The following SLC23A2 variants were observed in gnomAD, a reference collection of about 807,000 sequenced individuals.
SLC23A2 encodes the protein solute carrier family 23 member 2, also known as Na(+)/L-ascorbic acid transporter 2.
A neutral mutation model predicts 73.3 loss-of-function variants in SLC23A2; 36 were observed. The ratio of observed to expected loss-of-function variants is 0.49; its 90% CI spans 0.38 to 0.65. The LOEUF (loss-of-function observed/expected upper bound fraction) is 0.65. Among genes scored for constraint, SLC23A2 ranks in the 30% least tolerant of loss-of-function variants. The probability of loss-of-function intolerance (pLI) is 0.00; values close to 1 mark genes in which losing one functional copy is unlikely to be tolerated. For missense variants in SLC23A2, 507 were observed against 841.6 expected (o/e 0.60, Z 4.92); for synonymous variants, 343 against 327.3 (o/e 1.05, Z -0.52).
intron 2 of SLC23A2, among the ~76,000 whole-genome samples, chr20:4,945,412 A>T (rs1239862234): frequency 6.6e-6 from 1 of 152,132 alleles, no homozygotes; most frequent in Non-Finnish European, 1.5e-5. Context: ...CAGCCTCCTG[A>T]GTAGCTGTGA....
intron 2 of SLC23A2, among the ~76,000 whole-genome samples, chr20:4,968,740 A>T (rs1475041076): frequency 1.3e-5 from 2 of 149,370 alleles, no homozygotes; most frequent in African/African-American, 4.9e-5. Context: ...TTTTTTTGAG[A>T]CGACGTCTGT....
intron 4 of SLC23A2, among the ~76,000 whole-genome samples, chr20:4,906,673 C>T (rs1341925724): frequency 6.6e-6 from 1 of 152,066 alleles, no homozygotes; most frequent in African/African-American, 2.4e-5. Context: ...CCAAAAAGAT[C>T]AATTTCATTA....
chr20:4,970,569 A>C (rs13037458), intron 2 of SLC23A2, among the ~76,000 whole-genome samples: 66,993 of 151,674 alleles, frequency 0.44, 14,878 homozygotes, highest in South Asian at 0.53. Context: ...CCCATCTCTA[A>C]GAAAAAAAAA....
chr20:4,959,674 T>C (rs1256096432), intron 2 of SLC23A2, among the ~76,000 whole-genome samples: 1 of 151,838 alleles, frequency 6.6e-6, no homozygotes, highest in Non-Finnish European at 1.5e-5. Flanking sequence ...ATTTTTCTAA[T>C]TTTTGTAGAG....
At chr20:4,859,104 A>G (rs1343071069) in intron 16 of SLC23A2, among the ~76,000 whole-genome samples, 185 bp downstream of exon 16, 1 of 152,248 alleles carries the variant, frequency 6.6e-6, no homozygotes, top group East Asian at 1.9e-4. Context: ...CAGTTTATGT[A>G]GCAAAAAACT....
rs558093926 is a variant in SLC23A2, at chr20:4,995,462, A to G, written c.-282+5944T>C. On this transcript the variant is annotated intron_variant, in intron 1 of 16. Transcript: ENST00000338244. ...GACAAAGATTCAAGCCCCATAATAC[A>G]GTATCAAAGGACCTCTCCACCTGAC... 5.9e-5 allele frequency among the ~76,000 whole-genome samples: 9 copies of G among 152,204 alleles called. No homozygotes were observed. The South Asian group carries it at 1.9e-3, about 32-fold the overall frequency.
intron 16 of SLC23A2, among the ~76,000 whole-genome samples, chr20:4,859,008 G>A (rs1349629526): frequency 6.6e-6 from 1 of 152,182 alleles, no homozygotes; most frequent in African/African-American, 2.4e-5. Context: ...AGCCTGGCCT[G>A]TGCCCATCCC....
In SLC23A2 at chr20:4,882,099, G is replaced by A. The variant is rs577607663; in HGVS notation, c.824+1543C>T. Among the ~76,000 whole-genome samples, 16 of 152,236 alleles carry A rather than the reference G, an allele frequency of 1.1e-4. No homozygotes were observed. The South Asian group carries it at 3.3e-3, about 32-fold the overall frequency. On this transcript the variant is annotated intron_variant, in intron 9 of 16. Transcript: ENST00000338244. ...AGAATAGTAAGAACAATTTTGGGCT[G>A]GGCACGGTGGCTCATGCCTGTAATC...
At chr20:4,931,501 A>G (rs907591199) in intron 3 of SLC23A2, among the ~76,000 whole-genome samples, 3 of 152,184 alleles carry the variant, frequency 2.0e-5, no homozygotes, top group Admixed American at 6.5e-5. Flanking sequence ...TCATGCTTAT[A>G]ATCCCAGTGC....
chr20:4,867,420 A>G (rs1347960980), intron 13 of SLC23A2, among the ~76,000 whole-genome samples: 1 of 152,196 alleles, frequency 6.6e-6, no homozygotes, highest in Non-Finnish European at 1.5e-5. Flanking sequence ...TGCATCATTT[A>G]TGGACTTAGT....
chr20:5,003,529 T>A (rs1369434600), upstream of SLC23A2, among the ~76,000 whole-genome samples: 1 of 151,720 alleles, frequency 6.6e-6, no homozygotes, highest in Non-Finnish European at 1.5e-5. Flanking sequence ...TTTTTTTTTT[T>A]AATACGATGT....
At chr20:4,894,538 T>C (rs938607136) in intron 6 of SLC23A2, among the ~76,000 whole-genome samples, 2 of 152,190 alleles carry the variant, frequency 1.3e-5, no homozygotes, top group South Asian at 4.1e-4. Context: ...TGCTGTGGCA[T>C]CTACAATCGG....
At chr20:4,949,304 A>G (rs1386406086) in intron 2 of SLC23A2, among the ~76,000 whole-genome samples, 1 of 151,602 alleles carries the variant, frequency 6.6e-6, no homozygotes, top group African/African-American at 2.4e-5. Context: ...AAAAAAAAAA[A>G]AGGAAAACAT....
Position 4,902,647 on chromosome 20 carries a change from C to A in SLC23A2, c.208-89G>T. ...TGTACAGGCCACTATTACAGAAAAA[C>A]AACTTTATCAAGTGGTTGCCATCTT... On this transcript the variant is annotated intron_variant, in intron 4 of 16. Coordinates refer to ENST00000338244, the MANE Select transcript of SLC23A2 (RefSeq NM_005116.6). This position sits in a 1 kb window ranked among gnomAD's most constrained non-coding sequence, Gnocchi z 4.0. The A allele has an allele frequency of 1.6e-6, 1 of 618,492 alleles. No homozygotes were observed. Among genetic ancestry groups the A allele is most frequent in the Non-Finnish European group, 2.8e-6 (1 of 357,720 alleles). 38.3% of individuals were successfully genotyped at this position (618,492 alleles called of 1,614,324 possible).
intron 9 of SLC23A2, among the ~76,000 whole-genome samples, chr20:4,880,517 G>GA (rs556134627): frequency 4.5e-4 from 69 of 151,876 alleles, no homozygotes; most frequent in Non-Finnish European, 8.8e-4. Context: ...CTTGGAAACT[G>GA]AAAAAACACC....
At chr20:4,884,483 T>C (rs1241107355) in intron 8 of SLC23A2, among the ~76,000 whole-genome samples, 3 of 152,204 alleles carry the variant, frequency 2.0e-5, no homozygotes, top group African/African-American at 4.8e-5. Flanking sequence ...GCCACGAACC[T>C]CAGCTAGCTG....
In SLC23A2 at chr20:4,899,933, C is replaced by G. The variant is rs1481548379; in HGVS notation, c.325-221G>C. On this transcript the variant is annotated intron_variant, in intron 5 of 16. Coordinates refer to ENST00000338244, the MANE Select transcript of SLC23A2 (RefSeq NM_005116.6). This position sits in a 1 kb window ranked among gnomAD's most constrained non-coding sequence, Gnocchi z 4.9. ...TTGCCCTCGACGGAGTGCAATGGTG[C>G]GATCTTGGCTCACTGTGACCTCCAC... is the stretch of plus-strand genomic sequence containing the variant. Among the ~76,000 whole-genome samples the G allele has an allele frequency of 6.6e-6, 1 of 152,138 alleles. No homozygotes were observed. The highest frequency in any genetic ancestry group is 2.4e-5 in the African/African-American group (1 of 41,430).
intron 4 of SLC23A2, among the ~76,000 whole-genome samples, chr20:4,910,320 C>T (rs192547797): frequency 5.8e-4 from 87 of 149,602 alleles, no homozygotes; most frequent in Middle Eastern, 3.4e-3. Context: ...GAGATTGTAG[C>T]GAGCAGAGAC....
intron 16 of SLC23A2, among the ~76,000 whole-genome samples, chr20:4,858,491 C>T (rs1025210007): frequency 1.3e-5 from 2 of 152,110 alleles, no homozygotes; most frequent in African/African-American, 2.4e-5. Flanking sequence ...TGTGTGATTC[C>T]TTCTGCCTTG....
Sources: gnomAD v4.1 joint callset for allele counts (sites outside exome capture counted in the v4.1 genomes callset) on GRCh38, gnomAD v4.1.1 for gene constraint, Gnocchi (gnomAD v3.1) non-coding constraint, MANE v1.5 for transcripts, NCBI Gene and HGNC (gene_info 2026-07-23, HGNC 2026-07-21) for gene names.